The following TCF12 variants were observed in gnomAD, a reference collection of about 807,000 sequenced individuals.
The protein encoded by TCF12 is transcription factor 12.
Under a neutral mutation model 86.0 loss-of-function variants are expected in TCF12, and 45 were observed. The observed-to-expected ratio is 0.52, with a 90% CI of 0.41 to 0.67. The LOEUF is 0.67. Ranked by LOEUF, TCF12 falls within the 30% of genes least tolerant of loss-of-function variation. The pLI, the probability that TCF12 is intolerant of heterozygous loss-of-function variation, is 0.00. For missense variants in TCF12, 881 were observed against 859.9 expected (o/e 1.02, Z -0.31); for synonymous variants, 330 against 299.6 (o/e 1.10, Z -1.05).
chr15:57,103,803 G>A (rs1460853532), intron 5 of TCF12, among the ~76,000 whole-genome samples: 1 of 152,054 alleles, frequency 6.6e-6, no homozygotes, highest in African/African-American at 2.4e-5. Context: ...TCAGGAGTTC[G>A]AGACCAGCCT....
intron 12 of TCF12, among the ~76,000 whole-genome samples, chr15:57,238,079 T>C (rs1350161392): frequency 6.6e-6 from 1 of 152,180 alleles, no homozygotes; most frequent in African/African-American, 2.4e-5. Flanking sequence ...CCAGTGACTG[T>C]GATGGATGAG....
At chr15:57,281,413 C>G (rs1187211756) in intron 19 of TCF12, among the ~76,000 whole-genome samples, 1 of 152,210 alleles carries the variant, frequency 6.6e-6, no homozygotes, top group South Asian at 2.1e-4. Flanking sequence ...ACCTATCTAT[C>G]CTTCTCCCTC....
At chr15:56,947,298 T>C (rs1267026064) in intron 3 of TCF12, among the ~76,000 whole-genome samples, 1 of 151,708 alleles carries the variant, frequency 6.6e-6, no homozygotes, top group Non-Finnish European at 1.5e-5. Context: ...GGAGTTTTAC[T>C]GTGTGTGTGT....
At position 57,022,890 on chromosome 15, in the gene TCF12, T is replaced by A. The variant is rs555754648; in HGVS notation, c.149-40860T>A. On this transcript the variant is annotated intron_variant, in intron 3 of 20. Coordinates refer to ENST00000333725, the MANE Select transcript of TCF12 (RefSeq NM_207037.2). ...GGGCCATGTGACTAGTAGAAGGAAA[T>A]AGTCATACCCTAATTTAATGAGATT... 1.3e-3 allele frequency among the ~76,000 whole-genome samples: 193 copies of A among 152,242 alleles called. 1 individual carries two copies. The highest frequency in any genetic ancestry group is 2.2e-3 in the Non-Finnish European group (151 of 68,016).
chr15:56,940,692 CTCCCCTT>C (rs1162907499), intron 3 of TCF12, among the ~76,000 whole-genome samples: 2 of 144,102 alleles, frequency 1.4e-5, no homozygotes, highest in Non-Finnish European at 3.0e-5. Flanking sequence ...CCCTCTCCCT[CTCCCCTT>C]TCCCCTCCTC....
chr15:56,957,198 T>A (rs570550136), intron 3 of TCF12, among the ~76,000 whole-genome samples: 1 of 152,360 alleles, frequency 6.6e-6, no homozygotes, highest in Non-Finnish European at 1.5e-5. Flanking sequence ...CAATTTCTTG[T>A]CGTTATGAAT....
chr15:57,287,514 A>C lies in TCF12; in HGVS notation c.*1369A>C, dbSNP rs995481474. The stretch of plus-strand genomic sequence containing the variant: ...GTTCATTAAGGCACTCTCTGTCTCT[A>C]ATCCTTAGGAGTTGTTTTAAAAGAC... On this transcript the variant is annotated 3_prime_UTR_variant, in exon 21 of 21. Coordinates refer to ENST00000333725, the MANE Select transcript of TCF12 (RefSeq NM_207037.2). 5.2e-5 allele frequency: 8 copies of C among 152,634 alleles called. No homozygotes were observed. The highest frequency in any genetic ancestry group is 1.2e-4 in the Non-Finnish European group (8 of 68,022). The allele number at this position is 152,634 out of a possible 1,614,324, so 9.5% of individuals were successfully genotyped here. A position where few individuals can be genotyped will look rare whatever the true frequency, so the allele number is the denominator to read the frequency against.
At chr15:57,056,691 T>A (rs2068056333) in intron 3 of TCF12, among the ~76,000 whole-genome samples, 1 of 152,144 alleles carries the variant, frequency 6.6e-6, no homozygotes, top group Non-Finnish European at 1.5e-5. Context: ...ACTCCTGGAC[T>A]CAAGCAATCC....
intron 3 of TCF12, among the ~76,000 whole-genome samples, chr15:57,051,798 C>T (rs1417019198): frequency 2.6e-5 from 4 of 152,168 alleles, no homozygotes; most frequent in African/African-American, 7.2e-5. Flanking sequence ...GTCTTTAATC[C>T]ATTTTCAGTT....
intron 4 of TCF12, among the ~76,000 whole-genome samples, chr15:57,079,943 T>A (rs2951902): frequency 6.6e-6 from 1 of 151,986 alleles, no homozygotes; most frequent in Non-Finnish European, 1.5e-5. Context: ...GTGATTTTGG[T>A]ATATTTAAGG....
At chr15:57,268,039 G>A (rs2060951258) in intron 18 of TCF12, among the ~76,000 whole-genome samples, 1 of 152,184 alleles carries the variant, frequency 6.6e-6, no homozygotes, top group Non-Finnish European at 1.5e-5. Flanking sequence ...AGTGTATGGT[G>A]TAGGCTTGCT....
At chr15:57,106,227 G>A (rs547517361) in intron 5 of TCF12, among the ~76,000 whole-genome samples, 1 of 152,162 alleles carries the variant, frequency 6.6e-6, no homozygotes, top group East Asian at 1.9e-4. Context: ...AATTACATAG[G>A]TAGAAAAAAT....
At chr15:57,076,457 A>G (rs1167797017) in intron 4 of TCF12, among the ~76,000 whole-genome samples, 1 of 152,092 alleles carries the variant, frequency 6.6e-6, no homozygotes, top group Non-Finnish European at 1.5e-5. Context: ...GATCAAGACC[A>G]TCCTGGCTAA....
chr15:57,147,478 T>C (rs777385949), intron 5 of TCF12, among the ~76,000 whole-genome samples: 16 of 152,182 alleles, frequency 1.1e-4, no homozygotes, highest in Non-Finnish European at 1.9e-4. Context: ...CATTGAAATA[T>C]TTTAAAGCAT....
At chr15:57,000,153 A>G (rs2063938477) in intron 3 of TCF12, among the ~76,000 whole-genome samples, 1 of 151,146 alleles carries the variant, frequency 6.6e-6, no homozygotes, top group Non-Finnish European at 1.5e-5. Flanking sequence ...ACCTTTTGTA[A>G]TCTACTTCAT....
At chr15:57,138,333 G>C (rs2052705673) in intron 5 of TCF12, among the ~76,000 whole-genome samples, 1 of 152,070 alleles carries the variant, frequency 6.6e-6, no homozygotes. Context: ...TGTTTAAATC[G>C]GATCTTGGAA....
At chr15:57,094,791 G>A (rs1178304533) in intron 5 of TCF12, among the ~76,000 whole-genome samples, 1 of 152,146 alleles carries the variant, frequency 6.6e-6, no homozygotes, top group Non-Finnish European at 1.5e-5. Context: ...TTAAGTGGGG[G>A]AGGGATTGTA....
intron 12 of TCF12, among the ~76,000 whole-genome samples, chr15:57,240,583 T>C (rs545555903): frequency 2.3e-4 from 35 of 152,014 alleles, no homozygotes; most frequent in African/African-American, 8.4e-4. Context: ...TTTTCAGTGG[T>C]AAAGAGGTAT....
intron 3 of TCF12, among the ~76,000 whole-genome samples, chr15:56,998,965 G>A (rs560592521): frequency 6.6e-6 from 1 of 152,094 alleles, no homozygotes; most frequent in Non-Finnish European, 1.5e-5. Context: ...TTGGGAGGCC[G>A]AGACGGGCGG....
Sources: gnomAD v4.1 joint callset for allele counts (sites outside exome capture counted in the v4.1 genomes callset) on GRCh38, gnomAD v4.1.1 for gene constraint, MANE v1.5 for transcripts, NCBI Gene and HGNC (gene_info 2026-07-23, HGNC 2026-07-21) for gene names.